Variants in ARID3C observed in about 807,000 individuals in gnomAD.
The protein encoded by ARID3C is AT-rich interaction domain 3C.
ARID3C carries 42 observed loss-of-function variants against 37.9 expected under a neutral mutation model. The observed-to-expected ratio is 1.11, with a 90% CI of 0.87 to 1.43. The LOEUF (loss-of-function observed/expected upper bound fraction) is 1.43. Ranked by LOEUF, ARID3C falls within the 40% of genes most tolerant of loss-of-function variation. The pLI, the probability that ARID3C is intolerant of heterozygous loss-of-function variation, is 0.00. For synonymous variants in ARID3C, 213 were observed against 228.0 expected (o/e 0.93, Z 0.59); for missense variants, 581 against 548.8 (o/e 1.06, Z -0.59).
upstream of ARID3C, among the ~76,000 whole-genome samples, chr9:34,631,036 A>G (rs1820718955): frequency 6.6e-6 from 1 of 152,200 alleles, no homozygotes; most frequent in African/African-American, 2.4e-5. Context: ...ATGCCCTGGA[A>G]GTCTACTGGA....
chr9:34,622,275 C>T (rs1172098474), intron 5 of ARID3C, 72 bp downstream of exon 6: 1 of 1,570,958 alleles, frequency 6.4e-7, no homozygotes, highest in Non-Finnish European at 8.6e-7. Flanking sequence ...GTCTCTAACA[C>T]CTATCAGGTG....
At chr9:34,627,726 C>G in exon 1 of ARID3C, 1 of 1,613,312 alleles carries the variant, frequency 6.2e-7, no homozygotes, top group Middle Eastern at 1.7e-4. Flanking sequence ...TAGGTCCACT[C>G]GTGGGGATGG....
rs748000904 is a variant in ARID3C at position 34,622,104 on chromosome 9, G to A, written c.1054C>T (p.Arg352Trp). 19 of 1,614,010 alleles carry A rather than the reference G, an allele frequency of 1.2e-5. No homozygotes were observed. Among genetic ancestry groups the A allele is most frequent in the Admixed American group, 1.0e-4 (6 of 60,022 alleles). Residue 352 changes from arginine (R) to tryptophan (W), a missense_variant, in exon 6 of 7, where the codon CGG becomes TGG. Transcript: ENST00000378909. Reference sequence around the variant, plus strand: ...GCCAGATTAAGAGGCCCATCCAGCCGCTCTTCTGTCCAGGAGGGGGCAGAG... The same window carrying A: ...GCCAGATTAAGAGGCCCATCCAGCCACTCTTCTGTCCAGGAGGGGGCAGAG...
In ARID3C at chr9:34,621,920, T is replaced by C. The variant is rs1466727764; in HGVS notation, c.1138+100A>G. The C allele has an allele frequency of 3.4e-6, 4 of 1,187,184 alleles. No homozygotes were observed. The African/African-American group carries it at 6.0e-5, about 18-fold the overall frequency. The allele number at this position is 1,187,184 out of a possible 1,614,324, so 73.5% of individuals were successfully genotyped here. ...TCCATGTTACTCATGCAAGTTTAGA[T>C]ATCCCTGAACTTCATGCTAGTAGAG... On this transcript the variant is annotated intron_variant, in intron 6 of 6. Coordinates refer to ENST00000378909, the Ensembl canonical transcript of ARID3C.
rs1564091128 is a variant in ARID3C, at chr9:34,623,860, T to G, written c.575+4A>C. 6.7e-7 allele frequency: 1 copy of G among 1,491,734 alleles called. No homozygotes were observed. The highest frequency in any genetic ancestry group is 1.8e-4 in the Middle Eastern group (1 of 5,488). The allele number at this position is 1,491,734 out of a possible 1,614,324, so 92.4% of individuals were successfully genotyped here. On this transcript the variant is annotated splice_donor_region_variant and intron_variant, in intron 3 of 6. Coordinates refer to ENST00000378909, the Ensembl canonical transcript of ARID3C. The stretch of plus-strand genomic sequence containing the variant: ...TTCCCTTCCGCTCCCGCCCCTGGCC[T>G]CACTGGGTGCGTAGAGTGAAGGCGG...
upstream of ARID3C, among the ~76,000 whole-genome samples, chr9:34,632,443 AGAAT>A (rs1416214696): frequency 6.6e-6 from 1 of 152,186 alleles, no homozygotes; most frequent in Non-Finnish European, 1.5e-5. Flanking sequence ...GTGAAAGGAC[AGAAT>A]GAGATGGAAA....
intron 2 of ARID3C, among the ~76,000 whole-genome samples, chr9:34,624,935 A>T (rs1442884947): frequency 6.6e-6 from 1 of 152,060 alleles, no homozygotes; most frequent in African/African-American, 2.4e-5. Context: ...CTGGAACCAG[A>T]ATGGGCCTCC....
At chr9:34,624,006 G>A in exon 3 of ARID3C, 2 of 1,600,766 alleles carry the variant, frequency 1.2e-6, no homozygotes, top group Non-Finnish European at 1.7e-6. Context: ...TACAGGTCGA[G>A]CACCTGCTTC....
chr9:34,628,091 G>A, upstream of ARID3C: 3 of 1,435,894 alleles, frequency 2.1e-6, no homozygotes, highest in South Asian at 1.5e-5. This position sits in a 1 kb window ranked among gnomAD's most constrained non-coding sequence, Gnocchi z 5.2. Flanking sequence ...GGCCGCCTGT[G>A]GGGGAGGGAA....
At position 34,623,408 on chromosome 9, in the gene ARID3C, C is replaced by A; in HGVS notation, c.865+17G>T. The A allele has an allele frequency of 6.7e-7, 1 of 1,486,244 alleles. No homozygotes were observed. Among genetic ancestry groups the A allele is most frequent in the African/African-American group, 1.4e-5 (1 of 69,940 alleles). The allele number at this position is 1,486,244 out of a possible 1,614,324, so 92.1% of individuals were successfully genotyped here. ...AACCTCAGAGACCCCGAAACCTCTA[C>A]CATTCTCCCCTCGCACCTTTCTTAA... is the stretch of plus-strand genomic sequence containing the variant. On this transcript the variant is annotated intron_variant, in intron 4 of 6. Transcript: ENST00000378909.
chr9:34,622,368 G>A (rs376819892), exon 5 of ARID3C: 8 of 1,610,744 alleles, frequency 5.0e-6, no homozygotes, highest in Admixed American at 1.7e-5. Flanking sequence ...ACCTTGCCAC[G>A]GGGCAGGAAA....
chr9:34,626,970 T>C (rs1191633337), intron 1 of ARID3C, among the ~76,000 whole-genome samples: 4 of 152,172 alleles, frequency 2.6e-5, no homozygotes. Flanking sequence ...GTAGTGTCCT[T>C]AGAATAACAC....
Position 34,622,129 on chromosome 9 carries a change from G to C in ARID3C, c.1049-20C>G. On this transcript the variant is annotated intron_variant, in intron 5 of 6. Transcript: ENST00000378909. ...GCTCTTCTGTCCAGGAGGGGGCAGA[G>C]GAATCACATTTTGGAGAATCAGACT... is the stretch of plus-strand genomic sequence containing the variant. The C allele has an allele frequency of 6.2e-7, 1 of 1,612,962 alleles. No homozygotes were observed. Among genetic ancestry groups the C allele is most frequent in the East Asian group, 2.2e-5 (1 of 44,876 alleles).
chr9:34,629,557 C>T (rs1294065410), upstream of ARID3C, among the ~76,000 whole-genome samples: 2 of 152,206 alleles, frequency 1.3e-5, no homozygotes, highest in African/African-American at 4.8e-5. Flanking sequence ...TGCCTACGTG[C>T]TGTCCCCCAC....
At chr9:34,625,838 T>C (rs1436546496) in intron 1 of ARID3C, 24 bp from the exon 3 acceptor site, 1 of 1,613,310 alleles carries the variant, frequency 6.2e-7, no homozygotes, top group Non-Finnish European at 8.5e-7. Context: ...GGGGTCATTC[T>C]ACAGCTCTGC....
At chr9:34,622,055 T>A (rs763545339) in exon 6 of ARID3C, 3 of 1,614,170 alleles carry the variant, frequency 1.9e-6, no homozygotes, top group African/African-American at 1.3e-5. Flanking sequence ...TAGGGCCATG[T>A]TGATACTGCT....
exon 3 of ARID3C, chr9:34,623,920 C>T (rs1214227855): frequency 6.3e-7 from 1 of 1,598,622 alleles, no homozygotes. Context: ...TGAGGCCGCG[C>T]GTGACTTCCC....
At chr9:34,623,676 C>A in exon 4 of ARID3C, 2 of 1,578,834 alleles carry the variant, frequency 1.3e-6, no homozygotes, top group Admixed American at 1.8e-5. Flanking sequence ...GCTGAGCGCT[C>A]GAGTCTCGCA....
downstream of ARID3C, among the ~76,000 whole-genome samples, chr9:34,621,108 AC>A (rs754163419): frequency 1.3e-5 from 2 of 152,076 alleles, no homozygotes; most frequent in Non-Finnish European, 2.9e-5. Flanking sequence ...CTTTCACAGT[AC>A]CCCAACCCAA....
Sources: allele counts gnomAD v4.1 joint callset (sites outside exome capture counted in the v4.1 genomes callset), GRCh38; gene constraint gnomAD v4.1.1; non-coding constraint Gnocchi (gnomAD v3.1); transcripts MANE v1.5; gene names NCBI Gene and HGNC (gene_info 2026-07-23, HGNC 2026-07-21).